Variants in PLET1 observed in about 807,000 individuals in gnomAD.
The protein encoded by PLET1 is placenta-expressed transcript 1 protein.
Under a neutral mutation model 18.5 loss-of-function variants are expected in PLET1, and 20 were observed. The ratio of observed to expected loss-of-function variants is 1.08; its 90% CI spans 0.76 to 1.57. The LOEUF (loss-of-function observed/expected upper bound fraction) is 1.57. Among genes scored for constraint, PLET1 ranks in the 40% most tolerant of loss-of-function variants. The probability of loss-of-function intolerance (pLI) is 0.00; values close to 1 mark genes in which losing one functional copy is unlikely to be tolerated. For missense variants in PLET1, 256 were observed against 246.4 expected (o/e 1.04, Z -0.26); for synonymous variants, 93 against 93.8 (o/e 0.99, Z 0.05).
chr11:112,257,898 C>A (rs1191471146), intron 1 of PLET1, among the ~76,000 whole-genome samples: 1 of 152,224 alleles, frequency 6.6e-6, no homozygotes, highest in Admixed American at 6.5e-5. Context: ...GGCAGTAACA[C>A]CTGCAAGGCA....
At position 112,248,764 on chromosome 11, in the gene PLET1, G is replaced by GT. The variant is rs1454769147; in HGVS notation, c.*34dup. 1.3e-6 allele frequency: 2 copies of GT among 1,544,092 alleles called. No homozygotes were observed. Among genetic ancestry groups the GT allele is most frequent in the Non-Finnish European group, 1.8e-6 (2 of 1,141,056 alleles). ...TTGGAACTGAATGTAGGAGGATGCA[G>GT]TGGAGGCAGAAACAATTGTTTCCCT... is the stretch of plus-strand genomic sequence containing the variant. On this transcript the variant is annotated 3_prime_UTR_variant, in exon 4 of 4. Transcript: ENST00000338832.
rs1860121552 is a variant in PLET1, at chr11:112,248,301, G to A, written c.*498C>T. On this transcript the variant is annotated 3_prime_UTR_variant, in exon 4 of 4. Coordinates refer to ENST00000338832, the MANE Select transcript of PLET1 (RefSeq NM_001145024.1). The stretch of plus-strand genomic sequence containing the variant: ...ATCTACTGGTGTGGACAAATGGGAA[G>A]CTGCCAGCAGCCTCAGAGCTATTTC... 6.6e-6 allele frequency among the ~76,000 whole-genome samples: 1 copy of A among 152,188 alleles called. No individual in the cohort carries two copies. Among genetic ancestry groups the A allele is most frequent in the African/African-American group, 2.4e-5 (1 of 41,442 alleles).
chr11:112,260,071 A>G (rs559678736), intron 1 of PLET1, among the ~76,000 whole-genome samples: 1 of 152,252 alleles, frequency 6.6e-6, no homozygotes, highest in Non-Finnish European at 1.5e-5. Flanking sequence ...AAAAGATTAT[A>G]CACTGGAATG....
Position 112,248,580 on chromosome 11 carries a change from G to A in PLET1, c.*219C>T, listed in dbSNP as rs143657157. ...CCAGTTCTAAATATTTTCAAAAAGT[G>A]TAATATGTGTCCTGAAAGATCCAGA... On this transcript the variant is annotated 3_prime_UTR_variant, in exon 4 of 4. Coordinates refer to ENST00000338832, the MANE Select transcript of PLET1 (RefSeq NM_001145024.1). 3.4e-5 allele frequency: 19 copies of A among 563,472 alleles called. No homozygotes were observed. In the African/African-American group the frequency reaches 3.4e-4, roughly 10 times the overall value. The allele number at this position is 563,472 out of a possible 1,614,324, so 34.9% of individuals were successfully genotyped here.
Position 112,255,387 on chromosome 11 carries a change from C to T in PLET1, c.386+1G>A. ...CAAAGCAAAGCAAGCTAGGTTCTTA[C>T]TGTATCTCCACTTCAGTTATGTTCT... On this transcript the variant is annotated splice_donor_variant, in intron 2 of 3. Transcript: ENST00000338832. LOFTEE classifies it high-confidence loss of function. The T allele has an allele frequency of 6.4e-7, 1 of 1,552,120 alleles. No individual in the cohort carries two copies. The highest frequency in any genetic ancestry group is 8.7e-7 in the Non-Finnish European group (1 of 1,146,968).
At chr11:112,260,294 A>T in intron 1 of PLET1, 112 bp downstream of exon 1, 1 of 1,107,200 alleles carries the variant, frequency 9.0e-7, no homozygotes, top group Non-Finnish European at 1.3e-6. Context: ...CATTTGGTTC[A>T]GAAGACACAT....
rs114791897 is a variant in PLET1 at position 112,260,686 on chromosome 11, A to C, written c.-97T>G. The C allele has an allele frequency of 8.4e-6, 9 of 1,074,368 alleles. No homozygotes were observed. In the African/African-American group the frequency reaches 1.4e-4, roughly 17 times the overall value. 66.6% of individuals were successfully genotyped at this position (1,074,368 alleles called of 1,614,324 possible). A position where few individuals can be genotyped will look rare whatever the true frequency, so the allele number is the denominator to read the frequency against. On this transcript the variant is annotated 5_prime_UTR_variant, in exon 1 of 4. It removes an upstream start codon present in the reference 5' UTR. Transcript: ENST00000338832. ...CCAGGGCTTCTGGGTGAAGTCATAC[A>C]TGCAGATCTTCTCCCTGCCCCTTCT... is the stretch of plus-strand genomic sequence containing the variant.
intron 2 of PLET1, among the ~76,000 whole-genome samples, chr11:112,254,309 G>GAGTAGC (rs557390854): frequency 6.5e-4 from 95 of 146,126 alleles, no homozygotes; most frequent in African/African-American, 2.2e-3. Flanking sequence ...TGTGTAGTGT[G>GAGTAGC]AGTAGCATGT....
intron 2 of PLET1, among the ~76,000 whole-genome samples, chr11:112,254,810 G>A (rs1305576559): frequency 1.5e-5 from 2 of 134,820 alleles, no homozygotes; most frequent in Non-Finnish European, 1.6e-5. Flanking sequence ...GTGCATGTGT[G>A]GTGTGTGTGG....
intron 1 of PLET1, among the ~76,000 whole-genome samples, chr11:112,258,138 C>T (rs963492374): frequency 1.6e-4 from 24 of 152,272 alleles, no homozygotes; most frequent in African/African-American, 5.3e-4. Context: ...CCTTTCCCTG[C>T]TCCACCTAAC....
At chr11:112,257,503 C>T (rs1485408511) in intron 1 of PLET1, among the ~76,000 whole-genome samples, 1 of 151,982 alleles carries the variant, frequency 6.6e-6, no homozygotes, top group Non-Finnish European at 1.5e-5. Flanking sequence ...TAAGTAACTA[C>T]TCATTGGTTG....
At chr11:112,257,192 T>C (rs1047989781) in intron 1 of PLET1, among the ~76,000 whole-genome samples, 2 of 152,196 alleles carry the variant, frequency 1.3e-5, no homozygotes, top group African/African-American at 4.8e-5. Context: ...ATTCCCACTC[T>C]AAGGGCAGCC....
chr11:112,253,685 A>G (rs1860181797), intron 2 of PLET1, among the ~76,000 whole-genome samples: 1 of 152,216 alleles, frequency 6.6e-6, no homozygotes, highest in Non-Finnish European at 1.5e-5. Context: ...AGTAGCTCCC[A>G]TTGGGTTCTA....
At chr11:112,257,447 C>A (rs1860235290) in intron 1 of PLET1, among the ~76,000 whole-genome samples, 1 of 150,654 alleles carries the variant, frequency 6.6e-6, no homozygotes, top group Admixed American at 6.6e-5. Flanking sequence ...GTGGTTTCAT[C>A]TGTGTTGGTA....
At chr11:112,258,729 C>T (rs182855258) in intron 1 of PLET1, among the ~76,000 whole-genome samples, 119 of 152,332 alleles carry the variant, frequency 7.8e-4, no homozygotes, top group African/African-American at 2.6e-3. Flanking sequence ...TCCACCTGTG[C>T]TCATCTTGAA....
chr11:112,254,817 G>C (rs1860201296), intron 2 of PLET1, among the ~76,000 whole-genome samples: 1 of 125,708 alleles, frequency 8.0e-6, no homozygotes, highest in Non-Finnish European at 1.7e-5. Flanking sequence ...TGTGGTGTGT[G>C]TGGCATGTGG....
At chr11:112,255,037 T>C (rs1355598200) in intron 2 of PLET1, among the ~76,000 whole-genome samples, 1 of 130,346 alleles carries the variant, frequency 7.7e-6, no homozygotes, top group African/African-American at 2.9e-5. Flanking sequence ...GTATGTGGTG[T>C]GTGTGGGGTG....
At chr11:112,256,175 C>T (rs1793345580) in intron 1 of PLET1, among the ~76,000 whole-genome samples, 1 of 152,172 alleles carries the variant, frequency 6.6e-6, no homozygotes, top group African/African-American at 2.4e-5. Context: ...TAGAGAGTTA[C>T]CCTCAGTAAC....
At position 112,260,646 on chromosome 11, in the gene PLET1, C is replaced by T; in HGVS notation, c.-57G>A. On this transcript the variant is annotated 5_prime_UTR_variant, in exon 1 of 4. In the 5' UTR this introduces an upstream ATG that the reference lacks. Transcript: ENST00000338832. ...GGAATTGGGTGAAACTGACAACTCACCTCTTGTTTATATGCCAGGGCTTCT... is the reference window on the plus strand; with the variant it reads ...GGAATTGGGTGAAACTGACAACTCATCTCTTGTTTATATGCCAGGGCTTCT... 1.4e-6 allele frequency: 2 copies of T among 1,444,136 alleles called. No homozygotes were observed. The highest frequency in any genetic ancestry group is 1.9e-6 in the Non-Finnish European group (2 of 1,065,270). The allele number at this position is 1,444,136 out of a possible 1,614,324, so 89.5% of individuals were successfully genotyped here.
Sources: gnomAD v4.1 joint callset for allele counts (sites outside exome capture counted in the v4.1 genomes callset) on GRCh38, gnomAD v4.1.1 for gene constraint, MANE v1.5 for transcripts, NCBI Gene and HGNC (gene_info 2026-07-23, HGNC 2026-07-21) for gene names.